The following GPC5 variants were observed in gnomAD, a reference collection of about 807,000 sequenced individuals.
The protein encoded by GPC5 is glypican-5.
Under a neutral mutation model 53.9 loss-of-function variants are expected in GPC5, and 47 were observed. The ratio of observed to expected loss-of-function variants is 0.87; its 90% CI spans 0.69 to 1.11. The LOEUF (loss-of-function observed/expected upper bound fraction) is 1.11, where lower values mean the gene tolerates loss of function less well. Among genes scored for constraint, GPC5 ranks in the 50% most tolerant of loss-of-function variants. GPC5 has a pLI of 0.00. For synonymous variants in GPC5, 286 were observed against 263.3 expected (o/e 1.09, Z -0.84); for missense variants, 748 against 713.1 (o/e 1.05, Z -0.56).
At chr13:91,982,199 G>GTTTGAGTCTTCATGACTCAACATGAA in intron 6 of GPC5, among the ~76,000 whole-genome samples, 1 of 152,200 alleles carries the variant, frequency 6.6e-6, no homozygotes, top group African/African-American at 2.4e-5. Context: ...CTGTTATAAG[G>GTTTGAGTCTTCATGACTCAACATGAA]GACTACTGAC....
chr13:92,254,450 A>G (rs2042713217), intron 7 of GPC5, among the ~76,000 whole-genome samples: 1 of 152,166 alleles, frequency 6.6e-6, no homozygotes, highest in Non-Finnish European at 1.5e-5. Context: ...TTTGACCAGA[A>G]AAGGGAACAA....
Position 92,017,841 on chromosome 13 carries a change from C to T in GPC5, c.1401+109784C>T, listed in dbSNP as rs181095837. ...ACACACGCATGAGCACACACATACA[C>T]ACTTCCACAAAATACACACATACGC... is the stretch of plus-strand genomic sequence containing the variant. On this transcript the variant is annotated intron_variant, in intron 6 of 7. Transcript: ENST00000377067. 2.0e-5 allele frequency among the ~76,000 whole-genome samples: 3 copies of T among 151,080 alleles called. No individual in the cohort carries two copies. In the East Asian group the frequency reaches 5.9e-4, roughly 29 times the overall value.
At chr13:91,817,504 T>C (rs1318952498) in intron 5 of GPC5, among the ~76,000 whole-genome samples, 2 of 152,204 alleles carry the variant, frequency 1.3e-5, no homozygotes, top group African/African-American at 2.4e-5. Context: ...TCAGCCCGTT[T>C]AGTGTAAAGT....
At chr13:92,274,440 C>T (rs1295090113) in intron 7 of GPC5, among the ~76,000 whole-genome samples, 1 of 152,158 alleles carries the variant, frequency 6.6e-6, no homozygotes, top group African/African-American at 2.4e-5. Flanking sequence ...TACCACCCTT[C>T]TCCTGAGTAA....
chr13:91,921,266 A>G (rs911992845), intron 6 of GPC5, among the ~76,000 whole-genome samples: 3 of 152,136 alleles, frequency 2.0e-5, no homozygotes, highest in African/African-American at 7.2e-5. Context: ...CCTTTTGTAT[A>G]GAGCTGCTGA....
intron 2 of GPC5, among the ~76,000 whole-genome samples, chr13:91,673,615 C>T (rs943298812): frequency 5.3e-5 from 8 of 152,082 alleles, no homozygotes; most frequent in African/African-American, 9.7e-5. Context: ...ACTGTGAAAC[C>T]GGTGCAGGAA....
intron 6 of GPC5, among the ~76,000 whole-genome samples, chr13:92,073,631 A>G (rs750295984): frequency 6.6e-5 from 10 of 152,224 alleles, no homozygotes; most frequent in Non-Finnish European, 1.0e-4. Context: ...ATGGTATACG[A>G]TGTCTACCAT....
intron 7 of GPC5, among the ~76,000 whole-genome samples, chr13:92,597,914 A>G (rs1296242780): frequency 6.6e-6 from 1 of 152,214 alleles, no homozygotes; most frequent in Non-Finnish European, 1.5e-5. Flanking sequence ...GTAGTGCTGA[A>G]TATAGCTCTA....
intron 7 of GPC5, among the ~76,000 whole-genome samples, chr13:92,692,859 T>C (rs1887453615): frequency 6.6e-6 from 1 of 150,832 alleles, no homozygotes. Context: ...TTAGTGATTA[T>C]AAGCACTAAT....
At chr13:92,436,851 C>A (rs192213309) in intron 7 of GPC5, among the ~76,000 whole-genome samples, 5 of 152,238 alleles carry the variant, frequency 3.3e-5, no homozygotes, top group Admixed American at 3.3e-4. Context: ...CTGTGCCTGA[C>A]ACACTTAAAT....
At chr13:92,757,129 C>G (rs538388431) in intron 7 of GPC5, among the ~76,000 whole-genome samples, 5 of 152,130 alleles carry the variant, frequency 3.3e-5, no homozygotes, top group African/African-American at 9.6e-5. Context: ...GGTACCAAAA[C>G]AGAGATATAG....
chr13:92,341,616 TA>T (rs908172516), intron 7 of GPC5, among the ~76,000 whole-genome samples: 9 of 152,026 alleles, frequency 5.9e-5, no homozygotes, highest in African/African-American at 1.9e-4. Flanking sequence ...AAAGTTTGTA[TA>T]AAAAATAAAA....
intron 6 of GPC5, among the ~76,000 whole-genome samples, chr13:91,911,515 C>T (rs2039610465): frequency 6.6e-6 from 1 of 151,980 alleles, no homozygotes; most frequent in Admixed American, 6.6e-5. Context: ...TGCACTCCTG[C>T]CTGGGTGACA....
At chr13:92,092,762 G>A (rs1332811718) in intron 6 of GPC5, among the ~76,000 whole-genome samples, 1 of 152,122 alleles carries the variant, frequency 6.6e-6, no homozygotes, top group Non-Finnish European at 1.5e-5. Flanking sequence ...TTTTAAAGGA[G>A]AGGACAATAA....
intron 7 of GPC5, among the ~76,000 whole-genome samples, chr13:92,822,628 G>A (rs1877710324): frequency 6.6e-6 from 1 of 152,150 alleles, no homozygotes; most frequent in Non-Finnish European, 1.5e-5. Context: ...TAATCTTTAA[G>A]AGGGTGGACA....
At chr13:92,729,911 C>A (rs1888754538) in intron 7 of GPC5, among the ~76,000 whole-genome samples, 1 of 151,196 alleles carries the variant, frequency 6.6e-6, no homozygotes, top group African/African-American at 2.4e-5. Context: ...ACCAGTCTTG[C>A]AACTCAAAAT....
At chr13:92,852,857 C>T (rs751280956) in intron 7 of GPC5, among the ~76,000 whole-genome samples, 5 of 152,090 alleles carry the variant, frequency 3.3e-5, no homozygotes, top group Non-Finnish European at 7.4e-5. Context: ...ACAGAGTCAC[C>T]TGGACTAAAA....
Position 92,671,389 on chromosome 13 carries a change from G to A in GPC5, c.1562-194893G>A, listed in dbSNP as rs75314698. Among the ~76,000 whole-genome samples the A allele has an allele frequency of 1.2e-3, 185 of 152,216 alleles. 1 individual carries two copies. Among genetic ancestry groups the A allele is most frequent in the African/African-American group, 4.4e-3 (181 of 41,552 alleles). On this transcript the variant is annotated intron_variant, in intron 7 of 7. Coordinates refer to ENST00000377067, the MANE Select transcript of GPC5 (RefSeq NM_004466.6). ...TACATAATTCACAGAAATCCTCTGCGCTTTCAATTACAATGAAACCATCTA... is the reference window on the plus strand; with the variant it reads ...TACATAATTCACAGAAATCCTCTGCACTTTCAATTACAATGAAACCATCTA...
intron 1 of GPC5, among the ~76,000 whole-genome samples, chr13:91,435,581 G>T (rs7336866): frequency 6.6e-6 from 1 of 151,916 alleles, no homozygotes; most frequent in East Asian, 1.9e-4. Context: ...TGCTGGATTC[G>T]ATTTGCCAGT....
Sources: gnomAD v4.1 joint callset for allele counts (sites outside exome capture counted in the v4.1 genomes callset) on GRCh38, gnomAD v4.1.1 for gene constraint, MANE v1.5 for transcripts, NCBI Gene and HGNC (gene_info 2026-07-23, HGNC 2026-07-21) for gene names.